BABAM1: variants seen among roughly 807,000 people sequenced by gnomAD.
BABAM1 encodes BRISC and BRCA1 A complex member 1, also known as BRISC and BRCA1-A complex member 1.
In BABAM1, 14 loss-of-function variants were observed where a neutral mutation model predicts 34.4. The ratio of observed to expected loss-of-function variants is 0.41; its 90% CI spans 0.27 to 0.64. The LOEUF is 0.64. Ranked by LOEUF, BABAM1 falls within the 30% of genes least tolerant of loss-of-function variation. The pLI, the probability that BABAM1 is intolerant of heterozygous loss-of-function variation, is 0.34. For synonymous variants in BABAM1, 169 were observed against 165.8 expected (o/e 1.02, Z -0.15); for missense variants, 393 against 434.0 (o/e 0.91, Z 0.84).
At chr19:17,271,496 T>C in intron 2 of BABAM1, 101 bp from the exon 3 acceptor site, 1 of 1,326,204 alleles carries the variant, frequency 7.5e-7, no homozygotes, top group Non-Finnish European at 1.1e-6. Context: ...GAGGTCACCA[T>C]ACTGCCTTTT....
At chr19:17,272,296 T>C (rs2073850294) in intron 3 of BABAM1, among the ~76,000 whole-genome samples, 1 of 152,188 alleles carries the variant, frequency 6.6e-6, no homozygotes, top group Non-Finnish European at 1.5e-5. Context: ...TCCCAGCTAC[T>C]TGGGAGGGCA....
At chr19:17,274,745 T>G (rs1355326232) in intron 5 of BABAM1, among the ~76,000 whole-genome samples, 1 of 152,158 alleles carries the variant, frequency 6.6e-6, no homozygotes, top group Non-Finnish European at 1.5e-5. Flanking sequence ...CAGGACATTT[T>G]ATGGTAATTT....
intron 5 of BABAM1, among the ~76,000 whole-genome samples, chr19:17,275,296 ATAT>A (rs2073894963): frequency 7.7e-6 from 1 of 129,866 alleles, no homozygotes; most frequent in African/African-American, 2.5e-5. Context: ...ATTTATTATT[ATAT>A]TTTTTTTTGA....
At chr19:17,272,095 C>T in intron 3 of BABAM1, among the ~76,000 whole-genome samples, 1 of 152,008 alleles carries the variant, frequency 6.6e-6, no homozygotes, top group Non-Finnish European at 1.5e-5. Flanking sequence ...CATGCACCAC[C>T]ATGCCCGTTT....
chr19:17,278,644 C>G (rs1024266356), intron 8 of BABAM1, among the ~76,000 whole-genome samples: 11 of 152,218 alleles, frequency 7.2e-5, no homozygotes, highest in Non-Finnish European at 7.3e-5. Context: ...TGACTGGGAC[C>G]TCTTCAGATC....
At chr19:17,278,332 G>T (rs945070600) in intron 8 of BABAM1, among the ~76,000 whole-genome samples, 1 of 150,108 alleles carries the variant, frequency 6.7e-6, no homozygotes, top group African/African-American at 2.5e-5. Context: ...TTTTTGAGGC[G>T]GAGTCTCGCT....
At chr19:17,269,204 A>G in intron 2 of BABAM1, 113 bp downstream of exon 2, 2 of 1,275,186 alleles carry the variant, frequency 1.6e-6, no homozygotes, top group Non-Finnish European at 2.1e-6. Context: ...GGCTGCCACA[A>G]GTCACCGTGG....
intron 8 of BABAM1, among the ~76,000 whole-genome samples, chr19:17,278,340 G>T (rs1199786181): frequency 3.4e-5 from 5 of 145,398 alleles, no homozygotes; most frequent in African/African-American, 1.0e-4. Context: ...GCGGAGTCTC[G>T]CTCTGTCGCC....
intron 5 of BABAM1, among the ~76,000 whole-genome samples, chr19:17,275,375 C>T (rs2073896147): frequency 6.6e-6 from 1 of 151,902 alleles, no homozygotes; most frequent in African/African-American, 2.4e-5. Context: ...ACCGCAATCT[C>T]CACCTCCCGA....
chr19:17,279,209 G>T lies in BABAM1; in HGVS notation c.*161G>T. On this transcript the variant is annotated 3_prime_UTR_variant, in exon 9 of 9. Transcript: ENST00000598188. ...GAGGGAAACCCAGGATTCCAGGAGG[G>T]ATCCCAGGAACTGTGGGCACCCATT... is the stretch of plus-strand genomic sequence containing the variant. 3.0e-6 allele frequency: 2 copies of T among 669,652 alleles called. No homozygotes were observed. The highest frequency in any genetic ancestry group is 4.8e-6 in the Non-Finnish European group (2 of 416,914). The allele number at this position is 669,652 out of a possible 1,614,324, so 41.5% of individuals were successfully genotyped here.
At chr19:17,277,055 G>T (rs2073918104) in intron 8 of BABAM1, 146 bp downstream of exon 8, 1 of 740,204 alleles carries the variant, frequency 1.4e-6, no homozygotes. Context: ...TCATTGAACA[G>T]CCGTTTCCCA....
At chr19:17,275,292 T>C (rs2073894779) in intron 5 of BABAM1, among the ~76,000 whole-genome samples, 1 of 135,604 alleles carries the variant, frequency 7.4e-6, no homozygotes, top group South Asian at 2.5e-4. Context: ...TCTTATTTAT[T>C]ATTATATTTT....
At chr19:17,268,133 G>A (rs1291033596) in intron 1 of BABAM1, among the ~76,000 whole-genome samples, 2 of 152,112 alleles carry the variant, frequency 1.3e-5, no homozygotes, top group East Asian at 3.9e-4. Flanking sequence ...ACTGCTAGAA[G>A]TTGCAGAGCT....
Position 17,279,298 on chromosome 19 carries a change from G to A in BABAM1, c.*250G>A. 1 of 433,056 alleles carries A rather than the reference G, an allele frequency of 2.3e-6. No individual in the cohort carries two copies. The highest frequency in any genetic ancestry group is 4.1e-6 in the Non-Finnish European group (1 of 242,896). The allele number at this position is 433,056 out of a possible 1,614,324, so 26.8% of individuals were successfully genotyped here. ...ATGGATAATTTTTGTTCTTCCCTGT[G>A]TGATTTTTGCCATCAAAATAAAAAT... is the stretch of plus-strand genomic sequence containing the variant. On this transcript the variant is annotated 3_prime_UTR_variant, in exon 9 of 9. Coordinates refer to ENST00000598188, the MANE Select transcript of BABAM1 (RefSeq NM_014173.4).
chr19:17,270,070 A>G (rs2145611248), intron 2 of BABAM1, among the ~76,000 whole-genome samples: 1 of 151,902 alleles, frequency 6.6e-6, no homozygotes, highest in South Asian at 2.1e-4. Flanking sequence ...AGCTGGGACT[A>G]CAGGCGCCCG....
chr19:17,278,850 G>T lies in BABAM1; in HGVS notation c.792G>T (p.Met264Ile). Residue 264 changes from methionine (M) to isoleucine (I), a missense_variant, in exon 9 of 9, where the codon ATG (methionine) becomes ATT (isoleucine). Met to Ile is a conservative substitution (Grantham distance 10). Coordinates refer to ENST00000598188, the MANE Select transcript of BABAM1 (RefSeq NM_014173.4). ...GACCCCCGCCTCCCCGGCAGGATAT[G>T]TTTGCCTTCATGGGCAGCCTGGATA... The part of the protein sequence containing the change: ...EKEEEMSWKD[M>I]FAFMGSLDTK... 6.2e-7 allele frequency: 1 copy of T among 1,612,454 alleles called. No individual in the cohort carries two copies. Among genetic ancestry groups the T allele is most frequent in the Non-Finnish European group, 8.5e-7 (1 of 1,179,382 alleles).
At chr19:17,275,337 C>A (rs532600630) in intron 5 of BABAM1, among the ~76,000 whole-genome samples, 1 of 151,970 alleles carries the variant, frequency 6.6e-6, no homozygotes, top group East Asian at 1.9e-4. Context: ...GTTGCCCAGG[C>A]TGGAGTGCAG....
At chr19:17,269,121 A>G (rs770404437) in intron 2 of BABAM1, 30 bp downstream of exon 2, 32 of 1,553,486 alleles carry the variant, frequency 2.1e-5, no homozygotes, top group Non-Finnish European at 7.8e-6. Flanking sequence ...TGGGGCTCTG[A>G]GATGCTAGGG....
At chr19:17,268,382 C>G (rs1016161748) in intron 1 of BABAM1, among the ~76,000 whole-genome samples, 10 of 151,256 alleles carry the variant, frequency 6.6e-5, no homozygotes, top group Admixed American at 2.0e-4. Context: ...AGTGACTCAT[C>G]ATCAGTAAGC....
Sources: allele counts gnomAD v4.1 joint callset (sites outside exome capture counted in the v4.1 genomes callset), GRCh38; gene constraint gnomAD v4.1.1; transcripts MANE v1.5; gene names NCBI Gene and HGNC (gene_info 2026-07-23, HGNC 2026-07-21).